The following COL27A1 variants were observed in gnomAD, a reference collection of about 807,000 sequenced individuals.
The protein encoded by COL27A1 is collagen type XXVII alpha 1 chain.
A neutral mutation model predicts 251.3 loss-of-function variants in COL27A1; 106 were observed. The ratio of observed to expected loss-of-function variants is 0.42; its 90% CI spans 0.36 to 0.50. The LOEUF is 0.50. Among genes scored for constraint, COL27A1 ranks in the 20% least tolerant of loss-of-function variants. The probability of loss-of-function intolerance (pLI) is 0.00; values close to 1 mark genes in which losing one functional copy is unlikely to be tolerated. For synonymous variants in COL27A1, 1,000 were observed against 986.3 expected (o/e 1.01, Z -0.26); for missense variants, 2,325 against 2,522.8 (o/e 0.92, Z 1.68).
intron 49 of COL27A1, among the ~76,000 whole-genome samples, chr9:114,295,396 T>C (rs946641654): frequency 3.3e-5 from 5 of 152,238 alleles, no homozygotes; most frequent in African/African-American, 1.2e-4. Context: ...ACAATTCCAA[T>C]GTAAAGCTTA....
intron 28 of COL27A1, among the ~76,000 whole-genome samples, chr9:114,259,984 T>C (rs1410097365): frequency 9.1e-6 from 1 of 110,356 alleles, no homozygotes; most frequent in Non-Finnish European, 1.9e-5. Context: ...CCGGTGCCCA[T>C]GTCCTCTGGG....
At chr9:114,207,832 C>T (rs1452803249) in intron 10 of COL27A1, among the ~76,000 whole-genome samples, 1 of 152,202 alleles carries the variant, frequency 6.6e-6, no homozygotes, top group Non-Finnish European at 1.5e-5. Context: ...ACCTGTAAAT[C>T]TGGGAGATAA....
chr9:114,300,197 C>G, intron 50 of COL27A1, 74 bp downstream of exon 50: 1 of 1,455,404 alleles, frequency 6.9e-7, no homozygotes, highest in Non-Finnish European at 9.6e-7. Flanking sequence ...ATTCATTCAA[C>G]AAATATTTAT....
intron 16 of COL27A1, among the ~76,000 whole-genome samples, chr9:114,233,614 A>G (rs1832123167): frequency 6.6e-6 from 1 of 152,150 alleles, no homozygotes; most frequent in African/African-American, 2.4e-5. Context: ...GCTGGGGAAA[A>G]TGAGAGTGTA....
In COL27A1 at chr9:114,275,745, C is replaced by T. The variant is rs1308759098; in HGVS notation, c.3694C>T (p.Pro1232Ser). The T allele has an allele frequency of 9.7e-6, 15 of 1,548,630 alleles. No individual in the cohort carries two copies. Among genetic ancestry groups the T allele is most frequent in the East Asian group, 2.4e-5 (1 of 40,898 alleles). ...GLMGEDGPPG[P>S]PGVTGVRGPE... The stretch of plus-strand genomic sequence containing the variant: ...GATGGGTGAGGACGGGCCCCCCGGC[C>T]CCCCTGGCGTCACTGGTGTCCGGGT... Residue 1232 changes from proline to serine, a missense_variant, in exon 37 of 61, where the codon CCC becomes TCC. Transcript: ENST00000356083.
chr9:114,163,728 C>T (rs1009594465), intron 2 of COL27A1, among the ~76,000 whole-genome samples: 3 of 152,186 alleles, frequency 2.0e-5, no homozygotes, highest in Non-Finnish European at 2.9e-5. Context: ...CCTGGGAGGG[C>T]AGGGCTGTGC....
chr9:114,290,889 C>T lies in COL27A1; in HGVS notation c.4448C>T (p.Pro1483Leu). 5 of 1,551,678 alleles carry T rather than the reference C, an allele frequency of 3.2e-6. No individual in the cohort carries two copies. Among genetic ancestry groups the T allele is most frequent in the Non-Finnish European group, 4.4e-6 (5 of 1,146,982 alleles). The stretch of plus-strand genomic sequence containing the variant: ...GGAAATCCAGGTGTGGCCGGCTTAC[C>T]TGGAGCACAGGGACCCCCAGGATTC... ...KRGNPGVAGL[P>L]GAQGPPGFKG... is the part of the protein sequence containing the mutation. Residue 1483 changes from proline to leucine, a missense_variant, in exon 48 of 61, where the codon CCT becomes CTT. By Grantham distance (98) the Pro-to-Leu change is moderately conservative. Transcript: ENST00000356083. This position sits in a 1 kb window ranked among gnomAD's most constrained non-coding sequence, Gnocchi z 4.6.
Position 114,300,051 on chromosome 9 carries a change from C to A in COL27A1, c.4585-19C>A. 1 of 1,614,034 alleles carries A rather than the reference C, an allele frequency of 6.2e-7. No homozygotes were observed. Among genetic ancestry groups the A allele is most frequent in the East Asian group, 2.2e-5 (1 of 44,882 alleles). On this transcript the variant is annotated intron_variant, in intron 49 of 60. Transcript: ENST00000356083. ...GACCATGAGCTCACTCGCTCCATCA[C>A]TTCCTGTTCTTCCTGCAGGGCGACT...
At chr9:114,214,676 G>A (rs1015941158) in intron 12 of COL27A1, among the ~76,000 whole-genome samples, 3 of 152,230 alleles carry the variant, frequency 2.0e-5, no homozygotes, top group African/African-American at 7.2e-5. Context: ...TTGCTTTCCA[G>A]GGCAAGGTAC....
intron 23 of COL27A1, among the ~76,000 whole-genome samples, 169 bp downstream of exon 23, chr9:114,243,729 G>C (rs191395452): frequency 3.3e-5 from 5 of 152,228 alleles, no homozygotes; most frequent in African/African-American, 1.2e-4. Context: ...CACAACCTAA[G>C]TGTCCAACTG....
At position 114,166,950 on chromosome 9, in the gene COL27A1, G is replaced by A. The variant is rs142944179; in HGVS notation, c.134-739G>A. ...CCTGTGGGGAGAAGGAGGAGTCAGC[G>A]GAAATGCCATCACCCTTCTGATAGC... On this transcript the variant is annotated intron_variant, in intron 2 of 60. Coordinates refer to ENST00000356083, the MANE Select transcript of COL27A1 (RefSeq NM_032888.4). Among the ~76,000 whole-genome samples, 807 of 152,238 alleles carry A rather than the reference G, an allele frequency of 5.3e-3. 13 individuals carry two copies. Among genetic ancestry groups the A allele is most frequent in the African/African-American group, 0.019 (778 of 41,544 alleles).
chr9:114,293,676 A>T (rs1828071303), intron 49 of COL27A1, among the ~76,000 whole-genome samples: 1 of 152,214 alleles, frequency 6.6e-6, no homozygotes, highest in South Asian at 2.1e-4. Context: ...AGTATCAGGG[A>T]TAGGGGAGCA....
At chr9:114,252,988 T>C in intron 27 of COL27A1, 56 bp downstream of exon 27, 1 of 1,432,290 alleles carries the variant, frequency 7.0e-7, no homozygotes. Context: ...AAGGGTTAGG[T>C]GGCTGGGTGT....
In COL27A1 at chr9:114,169,318, C is replaced by T. The variant is rs555851955; in HGVS notation, c.1763C>T (p.Pro588Leu). ...CCCCAGCCCAGTCAGCAGACCACCC[C>T]GGCCCTGGTATTGGCCCCGGCGCAA... ...RQPQPSQQTT[P>L]ALVLAPAQFL... is the part of the protein sequence containing the mutation. The change falls in exon 3 of 61, where the codon CCG becomes CTG. Residue 588 changes from proline to leucine, a missense_variant. This residue lies in a region of COL27A1 where 1,183 missense variants were observed against 1,144.1 expected (regional missense o/e 1.03). Transcript: ENST00000356083. The T allele has an allele frequency of 9.9e-6, 16 of 1,612,666 alleles. No homozygotes were observed. The highest frequency in any genetic ancestry group is 1.7e-4 in the Middle Eastern group (1 of 6,058).
chr9:114,202,305 G>A (rs1316032672), intron 7 of COL27A1, among the ~76,000 whole-genome samples: 7 of 152,204 alleles, frequency 4.6e-5, no homozygotes, highest in Non-Finnish European at 1.0e-4. Flanking sequence ...TGATGGCCAA[G>A]GGCCCCCTGG....
intron 36 of COL27A1, chr9:114,272,699 T>C (rs543330153): frequency 3.1e-4 from 47 of 152,372 alleles, no homozygotes; most frequent in African/African-American, 1.1e-3. Flanking sequence ...GCTATTTACA[T>C]GGTTTATCTC....
chr9:114,173,980 C>T (rs960203591), intron 3 of COL27A1, among the ~76,000 whole-genome samples: 1 of 86,660 alleles, frequency 1.2e-5, no homozygotes. Flanking sequence ...AGGACTGCCC[C>T]CATTTTTTTT....
At chr9:114,253,892 G>T (rs1235255018) in intron 27 of COL27A1, among the ~76,000 whole-genome samples, 2 of 152,190 alleles carry the variant, frequency 1.3e-5, no homozygotes, top group East Asian at 3.9e-4. Flanking sequence ...AGTTTCAGGA[G>T]CTGGGTGAAG....
intron 13 of COL27A1, 25 bp downstream of exon 13, chr9:114,219,869 C>G (rs776953816): frequency 6.4e-7 from 1 of 1,570,984 alleles, no homozygotes; most frequent in Admixed American, 1.7e-5. Flanking sequence ...TCTTTGGGAA[C>G]AGGAGCGAGA....
Sources: allele counts gnomAD v4.1 joint callset (sites outside exome capture counted in the v4.1 genomes callset), GRCh38; gene constraint gnomAD v4.1.1; regional missense constraint gnomAD v4.1.1; non-coding constraint Gnocchi (gnomAD v3.1); transcripts MANE v1.5; gene names NCBI Gene and HGNC (gene_info 2026-07-23, HGNC 2026-07-21).